WDR7: variants seen among roughly 807,000 people sequenced by gnomAD.
The protein encoded by WDR7 is WD repeat domain 7.
In WDR7, 46 loss-of-function variants were observed where a neutral mutation model predicts 169.4. That is an observed-to-expected ratio of 0.27 (90% CI 0.21 to 0.35). The LOEUF (loss-of-function observed/expected upper bound fraction) is 0.35. Among genes scored for constraint, WDR7 ranks in the 10% least tolerant of loss-of-function variants. The probability of loss-of-function intolerance (pLI) is 1.00; values close to 1 mark genes in which losing one functional copy is unlikely to be tolerated. For synonymous variants in WDR7, 612 were observed against 666.8 expected, an observed-to-expected ratio of 0.92 and a Z score of 1.27; for missense variants, 1,534 against 1,859.3, an observed-to-expected ratio of 0.83 and a Z score of 3.22.
intron 19 of WDR7, among the ~76,000 whole-genome samples, chr18:56,814,886 T>C (rs1309013717): frequency 1.3e-5 from 2 of 152,168 alleles, no homozygotes; most frequent in African/African-American, 4.8e-5. Flanking sequence ...ATTATTATTA[T>C]TATTTAAAGC....
intron 1 of WDR7, among the ~76,000 whole-genome samples, chr18:56,668,762 C>G (rs748903688): frequency 3.9e-5 from 6 of 152,138 alleles, no homozygotes; most frequent in Admixed American, 6.5e-5. Context: ...CAAGCATACA[C>G]AGTAATACTT....
chr18:56,965,044 G>T (rs933107556), intron 26 of WDR7, among the ~76,000 whole-genome samples: 2 of 152,158 alleles, frequency 1.3e-5, no homozygotes, highest in Non-Finnish European at 2.9e-5. Context: ...TGAATCAAAG[G>T]ATCATTTTGA....
chr18:56,718,501 A>T (rs2026244045), intron 13 of WDR7, among the ~76,000 whole-genome samples: 1 of 152,178 alleles, frequency 6.6e-6, no homozygotes, highest in African/African-American at 2.4e-5. Context: ...AAAAGATACA[A>T]CCCTTTTTTC....
rs140125405 is a variant in WDR7, at chr18:56,858,799, C to T, written c.3305-21145C>T. On this transcript the variant is annotated intron_variant, in intron 20 of 27. Transcript: ENST00000254442. ...AAATATTTATTAAGCACCTACATGC[C>T]AGGCATTGTTCTAAACCCTTGAGCA... is the stretch of plus-strand genomic sequence containing the variant. 2.2e-4 allele frequency among the ~76,000 whole-genome samples: 33 copies of T among 152,246 alleles called. No homozygotes were observed. The East Asian group carries it at 4.6e-3, about 21-fold the overall frequency.
At chr18:56,750,001 G>A (rs2043763671) in intron 14 of WDR7, among the ~76,000 whole-genome samples, 1 of 151,620 alleles carries the variant, frequency 6.6e-6, no homozygotes, top group Non-Finnish European at 1.5e-5. Context: ...AGGCTACTGT[G>A]TATGGGTGTG....
At chr18:56,820,565 A>G (rs544391919) in intron 20 of WDR7, among the ~76,000 whole-genome samples, 103 of 152,014 alleles carry the variant, frequency 6.8e-4, no homozygotes, top group Non-Finnish European at 1.4e-3. Flanking sequence ...GATGCAGAGA[A>G]TAATGTATTT....
intron 14 of WDR7, among the ~76,000 whole-genome samples, chr18:56,752,324 G>T (rs917267319): frequency 6.6e-6 from 1 of 152,018 alleles, no homozygotes; most frequent in African/African-American, 2.4e-5. Context: ...TTCACATCTG[G>T]CCATTGTTCT....
At chr18:56,813,766 T>C (rs1272889345) in intron 19 of WDR7, among the ~76,000 whole-genome samples, 7 of 152,196 alleles carry the variant, frequency 4.6e-5, no homozygotes, top group Non-Finnish European at 1.0e-4. Flanking sequence ...GTGAGGATTT[T>C]ATAACCCTTA....
chr18:56,768,372 TA>T (rs1199984599), intron 16 of WDR7, among the ~76,000 whole-genome samples: 1 of 152,234 alleles, frequency 6.6e-6, no homozygotes, highest in East Asian at 1.9e-4. Context: ...GAGAGCTACA[TA>T]GTAAAATACT....
rs796913740 is a variant in WDR7, at chr18:56,815,888, TTG to T, written c.3191-139_3191-138del. ...ACACGTGAATGTTTTATTCATTGATTTGTGTCTCTAATTTTGGTGAACATATA... is the reference window on the plus strand; with the variant it reads ...ACACGTGAATGTTTTATTCATTGATTTGTCTCTAATTTTGGTGAACATATA... On this transcript the variant is annotated intron_variant, in intron 19 of 27. Coordinates refer to ENST00000254442, the MANE Select transcript of WDR7 (RefSeq NM_015285.3). 16 of 632,138 alleles carry T rather than the reference TTG, an allele frequency of 2.5e-5. No homozygotes were observed. The African/African-American group carries it at 2.9e-4, about 12-fold the overall frequency. The allele number at this position is 632,138 out of a possible 1,614,324, so 39.2% of individuals were successfully genotyped here.
chr18:56,685,969 A>G lies in WDR7; in HGVS notation c.534A>G (p.Val178=). The change falls in exon 6 of 28, where the codon GTA becomes GTG. Residue 178 remains valine (V), a synonymous_variant. Transcript: ENST00000254442. ...RSHRTQEDTV[V]ALSVTGILKV... ...TTCTCATTTTAGAGGACACAGTGGT[A>G]GCACTCTCGGTGACTGGCATCCTGA... The G allele has an allele frequency of 1.2e-6, 2 of 1,604,788 alleles. No homozygotes were observed. The highest frequency in any genetic ancestry group is 1.1e-5 in the South Asian group (1 of 89,608).
chr18:56,747,323 A>G (rs1009270603), intron 14 of WDR7, among the ~76,000 whole-genome samples: 4 of 152,308 alleles, frequency 2.6e-5, no homozygotes, highest in East Asian at 1.9e-4. Flanking sequence ...TAAAATTGGT[A>G]TAATAGGGTT....
At chr18:56,665,428 T>C (rs950503962) in intron 1 of WDR7, among the ~76,000 whole-genome samples, 6 of 152,154 alleles carry the variant, frequency 3.9e-5, no homozygotes, top group Admixed American at 3.9e-4. Flanking sequence ...AGAATTTATC[T>C]TGAGAATTAG....
intron 20 of WDR7, among the ~76,000 whole-genome samples, chr18:56,861,784 T>A (rs560877155): frequency 6.6e-6 from 1 of 152,320 alleles, no homozygotes; most frequent in South Asian, 2.1e-4. Flanking sequence ...ATCATAATAT[T>A]GATCTCTGCT....
chr18:56,834,015 G>A (rs2045357366), intron 20 of WDR7, among the ~76,000 whole-genome samples: 1 of 152,166 alleles, frequency 6.6e-6, no homozygotes, highest in Admixed American at 6.5e-5. Flanking sequence ...TCTTATCTGA[G>A]GCTTTTGGTC....
the WDR7 span, chr18:57,035,009 A>G: frequency 1.3e-5 from 2 of 151,184 alleles, no homozygotes; most frequent in Non-Finnish European, 2.9e-5. Flanking sequence ...ACAATCTTGA[A>G]CCCCCGATTC....
At chr18:56,952,757 A>G (rs1238871860) in intron 25 of WDR7, among the ~76,000 whole-genome samples, 1 of 152,224 alleles carries the variant, frequency 6.6e-6, no homozygotes, top group Non-Finnish European at 1.5e-5. Flanking sequence ...TTTCAGCACT[A>G]TTAAAAAATT....
chr18:56,709,131 C>T (rs1036505059), intron 12 of WDR7, among the ~76,000 whole-genome samples: 1 of 152,048 alleles, frequency 6.6e-6, no homozygotes, highest in Non-Finnish European at 1.5e-5. Context: ...ACAGTGGAAG[C>T]TGGCCATTGA....
At position 56,943,676 on chromosome 18, in the gene WDR7, C is replaced by T. The variant is rs2145714689; in HGVS notation, c.4064+4283C>T. Among the ~76,000 whole-genome samples, 3 of 152,214 alleles carry T rather than the reference C, an allele frequency of 2.0e-5. 1 individual carries two copies. In the South Asian group the frequency reaches 6.2e-4, roughly 32 times the overall value. On this transcript the variant is annotated intron_variant, in intron 25 of 27. Coordinates refer to ENST00000254442, the MANE Select transcript of WDR7 (RefSeq NM_015285.3). ...AACTACCAGATGACATTATTGCTTT[C>T]ATATCTGTAAAAAAGTAATAAATAA...
Sources: gnomAD v4.1 joint callset for allele counts (sites outside exome capture counted in the v4.1 genomes callset) on GRCh38, gnomAD v4.1.1 for gene constraint, MANE v1.5 for transcripts, NCBI Gene and HGNC (gene_info 2026-07-23, HGNC 2026-07-21) for gene names.